SLC28A1: variants seen among roughly 807,000 people sequenced by gnomAD.
SLC28A1 encodes the protein solute carrier family 28 member 1.
SLC28A1 carries 64 observed loss-of-function variants against 74.8 expected under a neutral mutation model. The observed-to-expected ratio is 0.86, with a 90% CI of 0.70 to 1.05. SLC28A1 has a LOEUF of 1.05. SLC28A1 is among the 50% of genes least tolerant of loss of function. SLC28A1 has a pLI of 0.00. For synonymous variants in SLC28A1, 359 were observed against 335.0 expected (o/e 1.07, Z -0.78); for missense variants, 828 against 822.8 (o/e 1.01, Z -0.08).
chr15:84,909,219 G>A (rs1252147121), intron 9 of SLC28A1, among the ~76,000 whole-genome samples: 2 of 151,980 alleles, frequency 1.3e-5, no homozygotes, highest in East Asian at 1.9e-4. Context: ...CCTCTCAGGC[G>A]CTCCTCCTTC....
At chr15:84,923,417 G>A (rs1970092345) in intron 11 of SLC28A1, among the ~76,000 whole-genome samples, 1 of 152,168 alleles carries the variant, frequency 6.6e-6, no homozygotes, top group South Asian at 2.1e-4. Flanking sequence ...TCCTGTCGAC[G>A]CCATGTTCCT....
At chr15:84,939,742 T>A (rs76675364) in intron 15 of SLC28A1, 1 of 152,310 alleles carries the variant, frequency 6.6e-6, no homozygotes, top group Non-Finnish European at 1.5e-5. Context: ...GTTTTTTTTT[T>A]AATTAAAAAA....
At chr15:84,932,218 ACAGCC>A (rs1469086860) in intron 12 of SLC28A1, among the ~76,000 whole-genome samples, 70 of 152,188 alleles carry the variant, frequency 4.6e-4, no homozygotes, top group African/African-American at 1.7e-3. Context: ...ATTTTCAATG[ACAGCC>A]TGACGACGCT....
intron 12 of SLC28A1, among the ~76,000 whole-genome samples, chr15:84,928,228 C>A (rs1011127560): frequency 6.6e-6 from 1 of 152,174 alleles, no homozygotes; most frequent in African/African-American, 2.4e-5. Context: ...TGCCCTTGAG[C>A]CTCCATTTTA....
chr15:84,895,821 T>C, intron 6 of SLC28A1: 2 of 1,098,284 alleles, frequency 1.8e-6, no homozygotes, highest in Non-Finnish European at 2.2e-6. Flanking sequence ...TTCAATACTC[T>C]ATTTTGTTGA....
intron 8 of SLC28A1, among the ~76,000 whole-genome samples, chr15:84,908,164 C>T (rs1413123417): frequency 6.8e-6 from 1 of 147,654 alleles, no homozygotes; most frequent in East Asian, 2.0e-4. Flanking sequence ...GTCCTAATAA[C>T]TCCCAGAGCA....
intron 16 of SLC28A1, among the ~76,000 whole-genome samples, chr15:84,944,093 CA>C (rs1318008369): frequency 1.3e-5 from 2 of 152,174 alleles, no homozygotes; most frequent in African/African-American, 4.8e-5. Context: ...CCCACACCCA[CA>C]GTGGACAGGC....
intron 9 of SLC28A1, among the ~76,000 whole-genome samples, chr15:84,912,250 G>A (rs1358059463): frequency 6.6e-6 from 1 of 152,174 alleles, no homozygotes; most frequent in East Asian, 1.9e-4. Flanking sequence ...GTTGAATGCT[G>A]AGCTGAACAG....
chr15:84,887,195 C>T (rs768038006), intron 2 of SLC28A1, among the ~76,000 whole-genome samples: 2 of 152,234 alleles, frequency 1.3e-5, no homozygotes, highest in African/African-American at 4.8e-5. Flanking sequence ...CACTGAAGAT[C>T]TCACTTAATG....
intron 8 of SLC28A1, among the ~76,000 whole-genome samples, chr15:84,907,042 T>C (rs1967361892): frequency 6.6e-6 from 1 of 152,134 alleles, no homozygotes; most frequent in Non-Finnish European, 1.5e-5. Flanking sequence ...AGAAAATAAA[T>C]AGCAGATTGG....
At chr15:84,904,001 C>G in intron 6 of SLC28A1, 96 bp from the exon 7 acceptor site, 1 of 1,540,994 alleles carries the variant, frequency 6.5e-7, no homozygotes. Flanking sequence ...CCTCCCAGCC[C>G]TGAGCACCCT....
the SLC28A1 span, among the ~76,000 whole-genome samples, chr15:84,962,620 G>GTT: frequency 6.6e-6 from 1 of 151,648 alleles, no homozygotes; most frequent in Admixed American, 6.6e-5. Flanking sequence ...TGTATTTTTA[G>GTT]TAGAGATGGG....
downstream of SLC28A1, among the ~76,000 whole-genome samples, chr15:84,950,339 G>C (rs1258781594): frequency 6.8e-6 from 1 of 146,548 alleles, no homozygotes; most frequent in African/African-American, 2.5e-5. Context: ...ACAGCTGGCT[G>C]TCCTCCAGTC....
At chr15:84,936,223 G>C (rs978023859) in intron 15 of SLC28A1, among the ~76,000 whole-genome samples, 8 of 149,546 alleles carry the variant, frequency 5.3e-5, no homozygotes, top group Non-Finnish European at 1.2e-4. Flanking sequence ...GATTACAAGC[G>C]TGAGCCACTG....
At chr15:84,909,922 T>C (rs1967883903) in intron 9 of SLC28A1, among the ~76,000 whole-genome samples, 1 of 152,246 alleles carries the variant, frequency 6.6e-6, no homozygotes, top group South Asian at 2.1e-4. Context: ...CCCACCCTGC[T>C]GGGGGTCTTG....
At chr15:84,889,177 T>G (rs986042313) in intron 4 of SLC28A1, among the ~76,000 whole-genome samples, 4 of 152,096 alleles carry the variant, frequency 2.6e-5, no homozygotes, top group Admixed American at 1.3e-4. Context: ...ATTCAGTCTC[T>G]GGGGTACCTC....
intron 10 of SLC28A1, 86 bp downstream of exon 10, chr15:84,918,690 A>T: frequency 9.9e-7 from 1 of 1,011,372 alleles, no homozygotes; most frequent in South Asian, 1.3e-5. Flanking sequence ...TTGCTCCCAG[A>T]GCCCAAACCT....
chr15:84,928,671 T>G (rs563156573), intron 12 of SLC28A1, among the ~76,000 whole-genome samples: 8 of 147,748 alleles, frequency 5.4e-5, no homozygotes, highest in Admixed American at 3.4e-4. Context: ...TCGCCCAGGC[T>G]GGAGTGCAGT....
intron 15 of SLC28A1, chr15:84,940,455 T>TG (rs141207529): frequency 0.021 from 3,164 of 152,470 alleles, 105 homozygotes; most frequent in African/African-American, 0.072. Context: ...GAATTTAGTG[T>TG]GGGGGGGTTA....
Sources: allele counts gnomAD v4.1 joint callset (sites outside exome capture counted in the v4.1 genomes callset), GRCh38; gene constraint gnomAD v4.1.1; transcripts MANE v1.5; gene names NCBI Gene and HGNC (gene_info 2026-07-23, HGNC 2026-07-21).